The following HMGCLL1 variants were observed in gnomAD, a reference collection of about 807,000 sequenced individuals.
HMGCLL1 encodes the protein 3-hydroxymethyl-3-methylglutaryl-CoA lyase, cytoplasmic.
HMGCLL1 carries 36 observed loss-of-function variants against 39.1 expected under a neutral mutation model. That is an observed-to-expected ratio of 0.92 (90% CI 0.71 to 1.22). HMGCLL1 has a LOEUF of 1.22. HMGCLL1 is among the 50% of genes most tolerant of loss of function. HMGCLL1 has a pLI of 0.00. For missense variants in HMGCLL1, 451 were observed against 416.5 expected (o/e 1.08, Z -0.72); for synonymous variants, 149 against 144.0 (o/e 1.03, Z -0.25).
Position 55,563,885 on chromosome 6 carries a change from G to A in HMGCLL1, c.108+15063C>T, listed in dbSNP as rs1321393946. 5 of 1,288,130 alleles carry A rather than the reference G, an allele frequency of 3.9e-6. No individual in the cohort carries two copies. The East Asian group carries it at 2.8e-4, about 71-fold the overall frequency. The allele number at this position is 1,288,130 out of a possible 1,614,324, so 79.8% of individuals were successfully genotyped here. ...ATCAGGGCTTCCTGAGAGGTCCATGGTGCAGCATCAGCATCACAGACTGAA... is the reference window on the plus strand; with the variant it reads ...ATCAGGGCTTCCTGAGAGGTCCATGATGCAGCATCAGCATCACAGACTGAA... On this transcript the variant is annotated intron_variant, in intron 1 of 8. Coordinates refer to ENST00000274901, the MANE Select transcript of HMGCLL1 (RefSeq NM_001042406.2).
chr6:55,479,782 A>G (rs1765639219), intron 7 of HMGCLL1, among the ~76,000 whole-genome samples: 1 of 151,674 alleles, frequency 6.6e-6, no homozygotes, highest in Admixed American at 6.6e-5. Context: ...ATTGCTTTTA[A>G]TCACTTTAGC....
the HMGCLL1 span, among the ~76,000 whole-genome samples, chr6:55,621,437 A>G: frequency 1.3e-5 from 2 of 151,950 alleles, 1 homozygote; most frequent in South Asian, 4.2e-4. Flanking sequence ...GCTGCTCCCC[A>G]TTGCTCACAT....
chr6:55,628,168 ATATATAC>A, the HMGCLL1 span, among the ~76,000 whole-genome samples: 7 of 72,458 alleles, frequency 9.7e-5, no homozygotes, highest in African/African-American at 3.8e-4. Flanking sequence ...TATATATAGT[ATATATAC>A]TATATATATA....
upstream of HMGCLL1, among the ~76,000 whole-genome samples, chr6:55,579,599 A>C (rs1399830619): frequency 6.6e-6 from 1 of 152,174 alleles, no homozygotes; most frequent in Non-Finnish European, 1.5e-5. Context: ...TTTTTGAGGC[A>C]ATCAGCAAGG....
the HMGCLL1 span, among the ~76,000 whole-genome samples, chr6:55,592,014 T>A: frequency 1.3e-5 from 2 of 151,934 alleles, no homozygotes; most frequent in Admixed American, 6.6e-5. Context: ...AAATACTAAT[T>A]TTTATAACTT....
At chr6:55,536,515 C>G (rs987115971) in intron 3 of HMGCLL1, among the ~76,000 whole-genome samples, 25 of 152,132 alleles carry the variant, frequency 1.6e-4, no homozygotes, top group Admixed American at 9.8e-4. Flanking sequence ...TAGCTTACTA[C>G]TAACGGCCAC....
At chr6:55,607,418 C>T in the HMGCLL1 span, among the ~76,000 whole-genome samples, 1 of 152,120 alleles carries the variant, frequency 6.6e-6, no homozygotes, top group African/African-American at 2.4e-5. Context: ...TAATGTGCCT[C>T]CAGATTCTCC....
the HMGCLL1 span, among the ~76,000 whole-genome samples, chr6:55,672,181 C>T: frequency 5.3e-5 from 8 of 151,660 alleles, no homozygotes; most frequent in South Asian, 1.7e-3. Flanking sequence ...TGTATAGTTT[C>T]AATTATATTT....
chr6:55,556,869 C>T lies in HMGCLL1; in HGVS notation c.109-14729G>A, dbSNP rs572136048. ...ACTCCCAGGCTGGGCAGGGCAGATG[C>T]GTACCTTACATCTTGATTTCTCCTG... On this transcript the variant is annotated intron_variant, in intron 1 of 8. Coordinates refer to ENST00000274901, the MANE Select transcript of HMGCLL1 (RefSeq NM_001042406.2). Among the ~76,000 whole-genome samples the T allele has an allele frequency of 1.6e-4, 25 of 152,182 alleles. No individual in the cohort carries two copies. The South Asian group carries it at 3.3e-3, about 20-fold the overall frequency.
At chr6:55,584,473 G>T in the HMGCLL1 span, among the ~76,000 whole-genome samples, 1 of 151,988 alleles carries the variant, frequency 6.6e-6, no homozygotes, top group Non-Finnish European at 1.5e-5. Flanking sequence ...TAAAATGACC[G>T]CAATAAATTA....
chr6:55,550,323 G>A (rs1161492091), intron 1 of HMGCLL1, among the ~76,000 whole-genome samples: 1 of 151,796 alleles, frequency 6.6e-6, no homozygotes, highest in South Asian at 2.1e-4. Context: ...ATTTCACTGG[G>A]CCCCTTTTCT....
the HMGCLL1 span, among the ~76,000 whole-genome samples, chr6:55,659,653 A>T: frequency 6.6e-6 from 1 of 151,928 alleles, no homozygotes; most frequent in Non-Finnish European, 1.5e-5. Flanking sequence ...TGGCTTAATT[A>T]TATGTTTAAA....
rs766780507 is a variant in HMGCLL1, at chr6:55,439,404, T to A, written c.921+30A>T. ...GCAATTTGGAGCTGCAAGGAATGCA[T>A]GAATATTAAAATACGTTAAAGTAAC... is the stretch of plus-strand genomic sequence containing the variant. On this transcript the variant is annotated intron_variant, in intron 8 of 8. Coordinates refer to ENST00000274901, the MANE Select transcript of HMGCLL1 (RefSeq NM_001042406.2). The A allele has an allele frequency of 1.9e-6, 3 of 1,586,612 alleles. No homozygotes were observed. In the Admixed American group the frequency reaches 5.1e-5, roughly 27 times the overall value.
At chr6:55,497,525 G>A (rs1360749471) in intron 6 of HMGCLL1, among the ~76,000 whole-genome samples, 2 of 152,062 alleles carry the variant, frequency 1.3e-5, no homozygotes, top group Non-Finnish European at 2.9e-5. Flanking sequence ...TATTGACATG[G>A]CTCATGTTAT....
At chr6:55,585,033 T>A in the HMGCLL1 span, among the ~76,000 whole-genome samples, 2 of 152,048 alleles carry the variant, frequency 1.3e-5, no homozygotes, top group Admixed American at 1.3e-4. Context: ...TATATCTGGC[T>A]GATCTAAATT....
chr6:55,673,715 A>T, the HMGCLL1 span, among the ~76,000 whole-genome samples: 1 of 152,004 alleles, frequency 6.6e-6, no homozygotes, highest in Non-Finnish European at 1.5e-5. Context: ...TGATGATAAT[A>T]ATAAAAATAA....
At chr6:55,455,994 C>T (rs778916481) in intron 7 of HMGCLL1, among the ~76,000 whole-genome samples, 1 of 152,134 alleles carries the variant, frequency 6.6e-6, no homozygotes, top group Non-Finnish European at 1.5e-5. Context: ...TTTGGGGCAA[C>T]ACATTATTGT....
At chr6:55,592,753 C>T in the HMGCLL1 span, among the ~76,000 whole-genome samples, 1 of 152,008 alleles carries the variant, frequency 6.6e-6, no homozygotes, top group Non-Finnish European at 1.5e-5. Context: ...AAGTGCAGTT[C>T]TAAATATTTA....
At chr6:55,628,679 TCATCTTGAATTCC>T in the HMGCLL1 span, among the ~76,000 whole-genome samples, 28 of 152,156 alleles carry the variant, frequency 1.8e-4, no homozygotes, top group African/African-American at 6.5e-4. Flanking sequence ...CACCCAAATC[TCATCTTGAATTCC>T]CACGTGTTGT....
Sources: allele counts gnomAD v4.1 joint callset (sites outside exome capture counted in the v4.1 genomes callset), GRCh38; gene constraint gnomAD v4.1.1; transcripts MANE v1.5; gene names NCBI Gene and HGNC (gene_info 2026-07-23, HGNC 2026-07-21).